The following SNX18 variants were observed in gnomAD, a reference collection of about 807,000 sequenced individuals.
The protein encoded by SNX18 is sorting nexin 18, also known as sorting nexin-18.
A neutral mutation model predicts 48.7 loss-of-function variants in SNX18; 35 were observed. That is an observed-to-expected ratio of 0.72 (90% CI 0.55 to 0.95). SNX18 has a LOEUF of 0.95. Among genes scored for constraint, SNX18 ranks in the 40% least tolerant of loss-of-function variants. SNX18 has a pLI of 0.00. For missense variants in SNX18, 824 were observed against 871.0 expected (o/e 0.95, Z 0.68); for synonymous variants, 492 against 384.7 (o/e 1.28, Z -3.26).
the SNX18 span, among the ~76,000 whole-genome samples, chr5:54,578,576 G>C: frequency 6.6e-6 from 1 of 152,194 alleles, no homozygotes; most frequent in Admixed American, 6.5e-5. Flanking sequence ...GCCTTTGTGG[G>C]GAGCTGAACT....
the SNX18 span, among the ~76,000 whole-genome samples, chr5:54,578,585 C>T: frequency 1.3e-5 from 2 of 152,222 alleles, no homozygotes; most frequent in African/African-American, 2.4e-5. Flanking sequence ...GGGAGCTGAA[C>T]TTCTCTCCTG....
chr5:54,582,724 C>G, the SNX18 span, among the ~76,000 whole-genome samples: 1 of 151,970 alleles, frequency 6.6e-6, no homozygotes, highest in Non-Finnish European at 1.5e-5. Context: ...CTCAAGAATT[C>G]AAGGCTGCAG....
chr5:54,561,581 C>A, the SNX18 span, among the ~76,000 whole-genome samples: 15 of 150,284 alleles, frequency 1.0e-4, no homozygotes, highest in Non-Finnish European at 2.1e-4. Flanking sequence ...CTCAAGTGAT[C>A]CTCTCTCCTT....
At chr5:54,539,401 T>C (rs1281750385) in intron 1 of SNX18, among the ~76,000 whole-genome samples, 1 of 152,248 alleles carries the variant, frequency 6.6e-6, no homozygotes, top group Non-Finnish European at 1.5e-5. Flanking sequence ...GCCTAGCATA[T>C]GTTATTACTA....
At chr5:54,627,670 C>T in the SNX18 span, among the ~76,000 whole-genome samples, 3 of 152,042 alleles carry the variant, frequency 2.0e-5, no homozygotes, top group Admixed American at 1.3e-4. Flanking sequence ...GGAGGGAGCA[C>T]GTGGGGGGAC....
chr5:54,606,748 A>C, the SNX18 span, among the ~76,000 whole-genome samples: 57,016 of 152,072 alleles, frequency 0.37, 11,224 homozygotes, highest in Non-Finnish European at 0.43. Flanking sequence ...CATTAGTATA[A>C]TATCACAACC....
At position 54,530,782 on chromosome 5, in the gene SNX18, G is replaced by A. The variant is rs543347006; in HGVS notation, c.1621+11209G>A. ...TTTTTTTTTTTTTTGAGACAGTTTC[G>A]CCCTTGTTGCCCAGGCTGGAGTGCA... On this transcript the variant is annotated intron_variant, in intron 1 of 1. Coordinates refer to ENST00000381410, the MANE Select transcript of SNX18 (RefSeq NM_001102575.2). Among the ~76,000 whole-genome samples the A allele has an allele frequency of 1.1e-3, 73 of 69,504 alleles. 1 individual carries two copies. The highest frequency in any genetic ancestry group is 2.9e-4 in the Non-Finnish European group (11 of 38,450). The allele number at this position is 69,504 out of a possible 152,430, so 45.6% of individuals were successfully genotyped here.
At chr5:54,616,170 G>A in the SNX18 span, among the ~76,000 whole-genome samples, 1 of 152,206 alleles carries the variant, frequency 6.6e-6, no homozygotes, top group Non-Finnish European at 1.5e-5. Context: ...GTCTGTGTAT[G>A]CAGCAGAATT....
the SNX18 span, among the ~76,000 whole-genome samples, chr5:54,565,059 A>T: frequency 6.6e-6 from 1 of 152,104 alleles, no homozygotes; most frequent in Non-Finnish European, 1.5e-5. Context: ...TTACTCTGAC[A>T]CTGATTCCTA....
chr5:54,572,043 A>T, the SNX18 span, among the ~76,000 whole-genome samples: 1 of 151,978 alleles, frequency 6.6e-6, no homozygotes, highest in African/African-American at 2.4e-5. Flanking sequence ...TGATTTTTTT[A>T]TTTTTTAAAT....
chr5:54,631,939 A>G, the SNX18 span, among the ~76,000 whole-genome samples: 2 of 152,184 alleles, frequency 1.3e-5, no homozygotes, highest in Admixed American at 1.3e-4. Context: ...AGATTACACT[A>G]AACATTGACT....
At chr5:54,525,007 G>A (rs895464124) in intron 1 of SNX18, among the ~76,000 whole-genome samples, 2 of 152,248 alleles carry the variant, frequency 1.3e-5, no homozygotes, top group African/African-American at 4.8e-5. Context: ...AAGCCAAGAA[G>A]CCGTGGGTGC....
chr5:54,531,446 TTAG>T (rs1463216840), intron 1 of SNX18, among the ~76,000 whole-genome samples: 1 of 152,136 alleles, frequency 6.6e-6, no homozygotes, highest in Admixed American at 6.5e-5. Flanking sequence ...TTTATTGTGT[TTAG>T]TTATGTTGAC....
Position 54,543,333 on chromosome 5 carries a change from T to C in SNX18, c.1776T>C (p.Phe592=). 6.2e-7 allele frequency: 1 copy of C among 1,614,204 alleles called. No individual in the cohort carries two copies. Among genetic ancestry groups the C allele is most frequent in the Admixed American group, 1.7e-5 (1 of 60,024 alleles). Residue 592 remains phenylalanine (F), a synonymous_variant, in exon 2 of 2, where the codon TTT becomes TTC. Coordinates refer to ENST00000381410, the MANE Select transcript of SNX18 (RefSeq NM_001102575.2). ...HHFHQIRVRD[F]KSQMQHFLQQ... Reference sequence around the variant, plus strand: ...TCCATCAAATTCGAGTGAGAGACTTTAAATCACAGATGCAGCATTTCTTAC... The same window carrying C: ...TCCATCAAATTCGAGTGAGAGACTTCAAATCACAGATGCAGCATTTCTTAC...
chr5:54,577,854 C>T, the SNX18 span, among the ~76,000 whole-genome samples: 1 of 152,194 alleles, frequency 6.6e-6, no homozygotes, highest in Non-Finnish European at 1.5e-5. Flanking sequence ...GGCTATAACA[C>T]CACATGGTGG....
the SNX18 span, among the ~76,000 whole-genome samples, chr5:54,563,394 T>C: frequency 6.6e-6 from 1 of 152,190 alleles, no homozygotes. Flanking sequence ...CACTACCTTT[T>C]CTATGTTTAG....
rs113909626 is a variant in SNX18 at position 54,546,009 on chromosome 5, G to T, written c.*2577G>T. 16 of 152,244 alleles carry T rather than the reference G, an allele frequency of 1.1e-4. No individual in the cohort carries two copies. Among genetic ancestry groups the T allele is most frequent in the Non-Finnish European group, 8.8e-5 (6 of 68,024 alleles). 9.4% of individuals were successfully genotyped at this position (152,244 alleles called of 1,614,324 possible). ...CTGTAACTGTAACGCAGCGAGACTG[G>T]TTCTACAGCCATGTGTCGTAATCTT... On this transcript the variant is annotated 3_prime_UTR_variant, in exon 2 of 2. Transcript: ENST00000381410.
intron 1 of SNX18, among the ~76,000 whole-genome samples, chr5:54,536,879 T>G (rs1690604938): frequency 6.6e-6 from 1 of 152,202 alleles, no homozygotes; most frequent in Admixed American, 6.5e-5. Flanking sequence ...CTCCACATCC[T>G]CTCCAGCACC....
chr5:54,566,644 C>T, the SNX18 span, among the ~76,000 whole-genome samples: 1 of 152,230 alleles, frequency 6.6e-6, no homozygotes, highest in African/African-American at 2.4e-5. Context: ...GTTCCTTCCA[C>T]CTGTCCCATG....
Sources: allele counts gnomAD v4.1 joint callset (sites outside exome capture counted in the v4.1 genomes callset), GRCh38; gene constraint gnomAD v4.1.1; transcripts MANE v1.5; gene names NCBI Gene and HGNC (gene_info 2026-07-23, HGNC 2026-07-21).